Variants in COG5 observed in about 807,000 individuals in gnomAD.
The protein encoded by COG5 is component of oligomeric golgi complex 5.
A neutral mutation model predicts 110.4 loss-of-function variants in COG5; 86 were observed. The observed-to-expected ratio is 0.78, with a 90% CI of 0.65 to 0.93. The LOEUF (loss-of-function observed/expected upper bound fraction) is 0.93, where lower values mean the gene tolerates loss of function less well. COG5 is among the 40% of genes least tolerant of loss of function. The pLI is 0.00. For missense variants in COG5, 1,077 were observed against 987.0 expected (o/e 1.09, Z -1.22); for synonymous variants, 360 against 334.6 (o/e 1.08, Z -0.83).
At position 107,554,351 on chromosome 7, in the gene COG5, C is replaced by A. The variant is rs1803142230; in HGVS notation, c.235-9G>T. 1.9e-6 allele frequency: 3 copies of A among 1,612,576 alleles called. No individual in the cohort carries two copies. Among genetic ancestry groups the A allele is most frequent in the South Asian group, 2.2e-5 (2 of 91,016 alleles). On this transcript the variant is annotated splice_polypyrimidine_tract_variant and intron_variant, in intron 2 of 21. Transcript: ENST00000297135. The stretch of plus-strand genomic sequence containing the variant: ...TCATGTCTTGCAACAACCTGAAAAT[C>A]AAAAATAAATGATTAGCTTTTGCTC...
At chr7:107,401,638 A>G (rs1418176266) in intron 7 of COG5, among the ~76,000 whole-genome samples, 1 of 152,190 alleles carries the variant, frequency 6.6e-6, no homozygotes, top group African/African-American at 2.4e-5. Flanking sequence ...GTTTTGAACA[A>G]GAGGGGAAAA....
chr7:107,469,201 C>T (rs897904437), intron 6 of COG5, among the ~76,000 whole-genome samples: 4 of 151,518 alleles, frequency 2.6e-5, no homozygotes, highest in Non-Finnish European at 5.9e-5. Context: ...ACAATATTAG[C>T]GTGTAGCTAC....
intron 6 of COG5, among the ~76,000 whole-genome samples, chr7:107,481,749 CAACT>C (rs997308143): frequency 5.3e-5 from 8 of 151,992 alleles, no homozygotes; most frequent in African/African-American, 1.9e-4. Context: ...AAATTTTTTC[CAACT>C]ATCACTTCTT....
intron 6 of COG5, among the ~76,000 whole-genome samples, chr7:107,445,387 A>T (rs75260322): frequency 0.01 from 1,597 of 152,310 alleles, 17 homozygotes; most frequent in African/African-American, 0.037. Flanking sequence ...AGATTCTTCA[A>T]CTAAACTATC....
At chr7:107,532,410 G>A (rs1294570851) in intron 5 of COG5, among the ~76,000 whole-genome samples, 1 of 152,032 alleles carries the variant, frequency 6.6e-6, no homozygotes, top group Non-Finnish European at 1.5e-5. Flanking sequence ...TCATTTCTGG[G>A]ACTTTTCCAT....
intron 7 of COG5, among the ~76,000 whole-genome samples, chr7:107,406,177 GA>G (rs1262121034): frequency 1.3e-5 from 2 of 152,136 alleles, no homozygotes; most frequent in African/African-American, 4.8e-5. Flanking sequence ...CTTACAGGGA[GA>G]AAATACTCCC....
chr7:107,203,969 T>A (rs2116092281), intron 21 of COG5, among the ~76,000 whole-genome samples: 1 of 152,336 alleles, frequency 6.6e-6, no homozygotes, highest in South Asian at 2.1e-4. Flanking sequence ...GGAATGGGCA[T>A]TTGTGCCTAC....
intron 7 of COG5, among the ~76,000 whole-genome samples, chr7:107,403,091 A>G (rs957825621): frequency 6.6e-6 from 1 of 152,238 alleles, no homozygotes; most frequent in Non-Finnish European, 1.5e-5. Context: ...ATTAACTAGG[A>G]AAAAATAGTG....
At chr7:107,281,488 A>ACATTGCTT in intron 13 of COG5, 89 bp from the exon 14 acceptor site, 1 of 927,296 alleles carries the variant, frequency 1.1e-6, no homozygotes, top group Non-Finnish European at 1.8e-6. Flanking sequence ...CCCAATAAGC[A>ACATTGCTT]ATGTGGTTAT....
intron 19 of COG5, among the ~76,000 whole-genome samples, chr7:107,220,162 C>A (rs1423797705): frequency 1.3e-5 from 2 of 152,184 alleles, no homozygotes; most frequent in Admixed American, 6.5e-5. Context: ...ATTTCTAGAA[C>A]AGCTATGCTG....
chr7:107,352,364 T>A (rs1427659900), intron 10 of COG5, among the ~76,000 whole-genome samples: 1 of 149,988 alleles, frequency 6.7e-6, no homozygotes, highest in African/African-American at 2.5e-5. Flanking sequence ...GACAAGTTAA[T>A]GGGTGCAGCA....
At chr7:107,295,019 A>C (rs1221825871) in intron 12 of COG5, among the ~76,000 whole-genome samples, 4 of 87,364 alleles carry the variant, frequency 4.6e-5, no homozygotes, top group Middle Eastern at 6.1e-3. Flanking sequence ...ATACACACAT[A>C]TATATATACA....
chr7:107,250,445 TA>T (rs578070878), intron 16 of COG5, among the ~76,000 whole-genome samples: 263 of 140,200 alleles, frequency 1.9e-3, no homozygotes, highest in Middle Eastern at 3.6e-3. Flanking sequence ...TAAAAAAAGG[TA>T]AAAAAAAAAA....
intron 10 of COG5, among the ~76,000 whole-genome samples, chr7:107,339,945 C>T (rs1483147455): frequency 6.6e-6 from 1 of 151,860 alleles, no homozygotes; most frequent in Non-Finnish European, 1.5e-5. Context: ...TAACATCACA[C>T]ATAGAGGAGC....
chr7:107,366,776 C>T (rs1247470497), intron 8 of COG5, among the ~76,000 whole-genome samples: 5 of 152,046 alleles, frequency 3.3e-5, no homozygotes, highest in Non-Finnish European at 5.9e-5. Flanking sequence ...GCCTTCTTTC[C>T]CTACCTCTTA....
chr7:107,524,587 T>A (rs969061266), intron 6 of COG5, among the ~76,000 whole-genome samples: 18 of 152,360 alleles, frequency 1.2e-4, no homozygotes, highest in African/African-American at 4.3e-4. Context: ...TTACTTTTAC[T>A]CAAATATTAA....
chr7:107,390,689 T>TG (rs1348377628), intron 7 of COG5, among the ~76,000 whole-genome samples: 1 of 150,646 alleles, frequency 6.6e-6, no homozygotes, highest in Non-Finnish European at 1.5e-5. Context: ...CCCCCGCTCC[T>TG]GGGGGTCACT....
At position 107,276,104 on chromosome 7, in the gene COG5, G is replaced by C. The variant is rs1804685944; in HGVS notation, c.1575+5196C>G. Among the ~76,000 whole-genome samples, 4 of 152,192 alleles carry C rather than the reference G, an allele frequency of 2.6e-5. No individual in the cohort carries two copies. The South Asian group carries it at 8.3e-4, about 32-fold the overall frequency. On this transcript the variant is annotated intron_variant, in intron 14 of 21. Transcript: ENST00000297135. ...TATTGTTTCAAATGGTCTGCAACCT[G>C]ATTAAATGCCAATCTCCTTTCTCAC...
chr7:107,408,278 A>C (rs1792010502), intron 7 of COG5, among the ~76,000 whole-genome samples: 1 of 152,228 alleles, frequency 6.6e-6, no homozygotes, highest in Admixed American at 6.5e-5. Flanking sequence ...TGGCCTATAA[A>C]ATCTAAACTA....
Sources: allele counts gnomAD v4.1 joint callset (sites outside exome capture counted in the v4.1 genomes callset), GRCh38; gene constraint gnomAD v4.1.1; transcripts MANE v1.5; gene names NCBI Gene and HGNC (gene_info 2026-07-23, HGNC 2026-07-21).